FRMD6: variants seen among roughly 807,000 people sequenced by gnomAD.
The protein encoded by FRMD6 is FERM domain-containing protein 6.
FRMD6 carries 37 observed loss-of-function variants against 73.2 expected under a neutral mutation model. That is an observed-to-expected ratio of 0.51 (90% CI 0.39 to 0.66). The LOEUF (loss-of-function observed/expected upper bound fraction) is 0.66, where lower values mean the gene tolerates loss of function less well. FRMD6 is among the 30% of genes least tolerant of loss of function. The pLI, the probability that FRMD6 is intolerant of heterozygous loss-of-function variation, is 0.00. For synonymous variants in FRMD6, 273 were observed against 282.2 expected, an observed-to-expected ratio of 0.97 and a Z score of 0.33; for missense variants, 714 against 780.5, an observed-to-expected ratio of 0.91 and a Z score of 1.02.
chr14:51,707,930 A>G, intron 6 of FRMD6, 148 bp from the exon 7 acceptor site: 2 of 661,656 alleles, frequency 3.0e-6, no homozygotes, highest in South Asian at 4.0e-5. Flanking sequence ...AACATAACAG[A>G]TGGTGAAAAC....
At chr14:51,704,989 C>A in intron 6 of FRMD6, 54 bp downstream of exon 6, 6 of 1,487,990 alleles carry the variant, frequency 4.0e-6, no homozygotes, top group South Asian at 1.2e-5. Flanking sequence ...ATTTCTAGTT[C>A]GTAGTGTTGC....
intron 1 of FRMD6, among the ~76,000 whole-genome samples, chr14:51,558,772 T>C (rs1887303598): frequency 1.3e-5 from 2 of 152,168 alleles, no homozygotes. Context: ...AAATTTGCCC[T>C]CCTCTAAAGG....
At chr14:51,666,956 G>A (rs1006080366) in intron 1 of FRMD6, among the ~76,000 whole-genome samples, 6 of 152,124 alleles carry the variant, frequency 3.9e-5, no homozygotes, top group African/African-American at 1.4e-4. Flanking sequence ...GCAACATGAT[G>A]AAACTCTGTC....
At chr14:51,523,030 A>G (rs954371287) in intron 1 of FRMD6, 1 of 152,178 alleles carries the variant, frequency 6.6e-6, no homozygotes, top group Admixed American at 6.5e-5. Context: ...ATACAACAAA[A>G]TGGAAACACT....
intron 2 of FRMD6, among the ~76,000 whole-genome samples, chr14:51,596,248 G>GGTGTGTGTGTGTGTGTGTGTGT (rs3060588): frequency 6.8e-6 from 1 of 147,602 alleles, no homozygotes; most frequent in African/African-American, 2.5e-5. Context: ...AGGAGAGCCT[G>GGTGTGTGTGTGTGTGTGTGTGT]GTGTGTGTGT....
intron 4 of FRMD6, 44 bp downstream of exon 4, chr14:51,701,203 A>T: frequency 8.3e-7 from 1 of 1,210,242 alleles, no homozygotes; most frequent in Non-Finnish European, 1.2e-6. Flanking sequence ...TTTTTTTTAA[A>T]AAATGTTTAT....
At chr14:51,700,879 TTAA>T (rs1896265706) in intron 3 of FRMD6, among the ~76,000 whole-genome samples, 174 bp from the exon 4 acceptor site, 1 of 152,010 alleles carries the variant, frequency 6.6e-6, no homozygotes, top group African/African-American at 2.4e-5. Context: ...AAGTATCTCA[TTAA>T]TGTCTAGTTC....
At chr14:51,484,510 A>G (rs182469148), upstream of FRMD6, among the ~76,000 whole-genome samples, 1 of 152,298 alleles carries the variant, frequency 6.6e-6, no homozygotes, top group African/African-American at 2.4e-5. Context: ...CCACCACCAG[A>G]ATAGCCACTC....
intron 2 of FRMD6, chr14:51,575,794 A>G (rs1277380600): frequency 3.9e-5 from 6 of 152,168 alleles, no homozygotes; most frequent in Non-Finnish European, 5.9e-5. Flanking sequence ...TCTTTCTGTC[A>G]TGGCTGGCAA....
At chr14:51,584,323 A>T (rs1387678009) in intron 2 of FRMD6, 3 of 152,282 alleles carry the variant, frequency 2.0e-5, no homozygotes, top group African/African-American at 7.2e-5. Flanking sequence ...CCTGTGAGGC[A>T]TTATTGCAAA....
At chr14:51,416,066 G>A in the FRMD6 span, among the ~76,000 whole-genome samples, 1 of 152,052 alleles carries the variant, frequency 6.6e-6, no homozygotes, top group Non-Finnish European at 1.5e-5. Context: ...AGTCTTGCTA[G>A]TAATCTATCA....
chr14:51,642,890 A>G (rs1446945322), intron 2 of FRMD6, among the ~76,000 whole-genome samples: 1 of 152,230 alleles, frequency 6.6e-6, no homozygotes, highest in East Asian at 1.9e-4. Context: ...AAGCCCTAAA[A>G]GAGCCAGGGG....
intron 1 of FRMD6, among the ~76,000 whole-genome samples, chr14:51,533,183 T>C (rs574442788): frequency 6.6e-6 from 1 of 152,314 alleles, no homozygotes; most frequent in East Asian, 1.9e-4. Flanking sequence ...CAATGCCAGA[T>C]GAACAAAGCC....
At chr14:51,534,901 G>C (rs1324868409) in intron 1 of FRMD6, among the ~76,000 whole-genome samples, 1 of 152,208 alleles carries the variant, frequency 6.6e-6, no homozygotes, top group Non-Finnish European at 1.5e-5. Flanking sequence ...CTCTCCAGTG[G>C]AGAACGCAGG....
intron 1 of FRMD6, among the ~76,000 whole-genome samples, chr14:51,677,848 TAG>T (rs1894504068): frequency 6.6e-6 from 1 of 152,080 alleles, no homozygotes; most frequent in African/African-American, 2.4e-5. Flanking sequence ...TCCAGTCAGG[TAG>T]AGATTCAGTA....
chr14:51,643,736 G>A (rs1891920435), intron 2 of FRMD6: 1 of 152,230 alleles, frequency 6.6e-6, no homozygotes, highest in African/African-American at 2.4e-5. Flanking sequence ...AGCAGCTCCA[G>A]GAAACACAAG....
chr14:51,644,191 A>AACT (rs1173563054), intron 2 of FRMD6, among the ~76,000 whole-genome samples: 1 of 152,218 alleles, frequency 6.6e-6, no homozygotes, highest in Non-Finnish European at 1.5e-5. Context: ...ACATTACGTG[A>AACT]ACTGAGTGAT....
At chr14:51,462,843 G>T in the FRMD6 span, among the ~76,000 whole-genome samples, 1 of 152,092 alleles carries the variant, frequency 6.6e-6, no homozygotes, top group Non-Finnish European at 1.5e-5. Flanking sequence ...GTGACTCACA[G>T]ATGAAGAAAT....
At chr14:51,686,228 T>C (rs1234043882) in intron 1 of FRMD6, among the ~76,000 whole-genome samples, 1 of 152,176 alleles carries the variant, frequency 6.6e-6, no homozygotes, top group African/African-American at 2.4e-5. Flanking sequence ...AGAGAGTTTC[T>C]GTATACCACA....
Sources: gnomAD v4.1 joint callset for allele counts (sites outside exome capture counted in the v4.1 genomes callset) on GRCh38, gnomAD v4.1.1 for gene constraint, MANE v1.5 for transcripts, NCBI Gene and HGNC (gene_info 2026-07-23, HGNC 2026-07-21) for gene names.